The following BDNF variants were observed in gnomAD, a reference collection of about 807,000 sequenced individuals.
BDNF encodes the protein neurotrophic factor BDNF precursor form.
Under a neutral mutation model 19.5 loss-of-function variants are expected in BDNF, and 1 was observed. That is an observed-to-expected ratio of 0.05 (90% CI 0.02 to 0.24). The LOEUF (loss-of-function observed/expected upper bound fraction) is 0.24. Among genes scored for constraint, BDNF ranks in the 10% least tolerant of loss-of-function variants. The probability of loss-of-function intolerance (pLI) is 1.00; values close to 1 mark genes in which losing one functional copy is unlikely to be tolerated. For missense variants in BDNF, 195 were observed against 317.6 expected, an observed-to-expected ratio of 0.61 and a Z score of 2.93; for synonymous variants, 100 against 121.6, an observed-to-expected ratio of 0.82 and a Z score of 1.17.
intron 1 of BDNF, among the ~76,000 whole-genome samples, chr11:27,659,912 A>G (rs1298001554): frequency 6.6e-6 from 1 of 152,224 alleles, no homozygotes; most frequent in African/African-American, 2.4e-5. Context: ...ATACCTATGG[A>G]CCAACCCAAG....
upstream of BDNF, chr11:27,701,558 A>G: frequency 2.0e-6 from 2 of 987,212 alleles, no homozygotes; most frequent in Non-Finnish European, 2.4e-6. Flanking sequence ...CGGCAGAGGC[A>G]GGGAGATTTC....
chr11:27,707,754 GT>G (rs1409467566), intron 1 of BDNF, among the ~76,000 whole-genome samples: 2 of 152,172 alleles, frequency 1.3e-5, no homozygotes, highest in African/African-American at 2.4e-5. Flanking sequence ...CCCTATAATT[GT>G]TTTTTGTTTG....
intron 1 of BDNF, chr11:27,699,299 G>C: frequency 6.4e-7 from 1 of 1,573,564 alleles, no homozygotes; most frequent in Non-Finnish European, 8.7e-7. Context: ...GATGCCCCTA[G>C]TCTGTAATCT....
upstream of BDNF, among the ~76,000 whole-genome samples, chr11:27,702,160 A>C (rs965826822): frequency 2.6e-5 from 4 of 152,208 alleles, no homozygotes; most frequent in African/African-American, 9.7e-5. Flanking sequence ...TCATTAGTTC[A>C]ACCAATTTGT....
intron 1 of BDNF, among the ~76,000 whole-genome samples, chr11:27,687,415 C>T (rs570476760): frequency 4.9e-4 from 75 of 152,286 alleles, no homozygotes; most frequent in African/African-American, 1.7e-3. Context: ...TCTGTCAATT[C>T]ATCAAACTCA....
intron 1 of BDNF, chr11:27,673,929 G>T: frequency 9.2e-7 from 1 of 1,086,510 alleles, no homozygotes; most frequent in South Asian, 1.9e-5. Flanking sequence ...GAAAACAGGT[G>T]ATGGAAGAAA....
chr11:27,673,501 T>G (rs2133909836), intron 1 of BDNF, among the ~76,000 whole-genome samples: 1 of 152,312 alleles, frequency 6.6e-6, no homozygotes, highest in Non-Finnish European at 1.5e-5. Context: ...AACAGGTCAC[T>G]TTCAGAGTAT....
chr11:27,687,806 GA>G (rs1304571178), intron 1 of BDNF, among the ~76,000 whole-genome samples: 1 of 152,198 alleles, frequency 6.6e-6, no homozygotes, highest in Admixed American at 6.5e-5. Flanking sequence ...GCACCCACCA[GA>G]TGCCAGCCAG....
intron 1 of BDNF, among the ~76,000 whole-genome samples, chr11:27,671,751 C>A (rs1378276257): frequency 6.6e-6 from 1 of 152,090 alleles, no homozygotes; most frequent in African/African-American, 2.4e-5. Flanking sequence ...GCCATTTTAA[C>A]ATAAAGTAGA....
At position 27,655,437 on chromosome 11, in the gene BDNF, G is replaced by C. The variant is rs41282914; in HGVS notation, c.*2384C>G. On this transcript the variant is annotated 3_prime_UTR_variant, in exon 2 of 2. Transcript: ENST00000356660. Reference sequence around the variant, plus strand: ...CCTTGCAATCCTTTAAGTTTGTGATGGGGGGTTGTTTGTTTTAAATTTGTC... The same window carrying C: ...CCTTGCAATCCTTTAAGTTTGTGATCGGGGGTTGTTTGTTTTAAATTTGTC... 1 of 152,292 alleles carries C rather than the reference G, an allele frequency of 6.6e-6. No individual in the cohort carries two copies. The highest frequency in any genetic ancestry group is 1.5e-5 in the Non-Finnish European group (1 of 68,046). The allele number at this position is 152,292 out of a possible 1,614,324, so 9.4% of individuals were successfully genotyped here.
At chr11:27,701,868 A>G (rs1859914799), upstream of BDNF, among the ~76,000 whole-genome samples, 1 of 152,192 alleles carries the variant, frequency 6.6e-6, no homozygotes, top group African/African-American at 2.4e-5. Flanking sequence ...ATAACGAACC[A>G]GGGCAGCCAA....
intron 1 of BDNF, among the ~76,000 whole-genome samples, chr11:27,711,561 G>A (rs1590492352): frequency 6.6e-6 from 1 of 152,156 alleles, no homozygotes; most frequent in East Asian, 1.9e-4. Context: ...AAATCTGGGT[G>A]GTAGCTATAA....
At chr11:27,693,177 C>T (rs1403395638) in intron 1 of BDNF, among the ~76,000 whole-genome samples, 1 of 152,158 alleles carries the variant, frequency 6.6e-6, no homozygotes, top group Non-Finnish European at 1.5e-5. Flanking sequence ...TAGATACAGT[C>T]TATTTAAAAA....
upstream of BDNF, among the ~76,000 whole-genome samples, chr11:27,704,980 A>G (rs982130846): frequency 2.6e-5 from 4 of 152,230 alleles, no homozygotes; most frequent in Non-Finnish European, 2.9e-5. Context: ...AGAAGGGCCA[A>G]GACTAGGAGA....
chr11:27,715,243 A>G (rs1170257554), intron 1 of BDNF, among the ~76,000 whole-genome samples: 1 of 152,208 alleles, frequency 6.6e-6, no homozygotes, highest in African/African-American at 2.4e-5. Flanking sequence ...ACCAAGATAA[A>G]CAAGTACCCA....
chr11:27,657,590 A>T lies in BDNF; in HGVS notation c.*231T>A, dbSNP rs901437685. 2.3e-6 allele frequency: 3 copies of T among 1,323,102 alleles called. No individual in the cohort carries two copies. The highest frequency in any genetic ancestry group is 2.9e-5 in the African/African-American group (2 of 67,864). The allele number at this position is 1,323,102 out of a possible 1,614,324, so 82.0% of individuals were successfully genotyped here. Reference sequence around the variant, plus strand: ...GGCAACGGCAACAAACCACAACATTATCAAGGAATGTAATGCAGACTTTTT... The same window carrying T: ...GGCAACGGCAACAAACCACAACATTTTCAAGGAATGTAATGCAGACTTTTT... On this transcript the variant is annotated 3_prime_UTR_variant, in exon 2 of 2. Transcript: ENST00000356660. The surrounding 1 kb of genome is among the most constrained non-coding windows in gnomAD (Gnocchi z 5.0).
chr11:27,660,383 G>A (rs1320305768), intron 1 of BDNF: 3 of 376,740 alleles, frequency 8.0e-6, no homozygotes, highest in African/African-American at 4.4e-5. Flanking sequence ...AGGGAAAATT[G>A]GTTTGAATAA....
chr11:27,675,016 G>T, intron 1 of BDNF: 1 of 646,520 alleles, frequency 1.5e-6, no homozygotes, highest in Non-Finnish European at 1.9e-6. Context: ...GAGTTTCGGT[G>T]GATTCCCTAA....
chr11:27,700,796 C>T (rs1859845099), upstream of BDNF: 1 of 1,204,410 alleles, frequency 8.3e-7, no homozygotes, highest in Admixed American at 3.1e-5. Context: ...CGGGGAACCC[C>T]GCGTCCCGCG....
Sources: allele counts gnomAD v4.1 joint callset (sites outside exome capture counted in the v4.1 genomes callset), GRCh38; gene constraint gnomAD v4.1.1; non-coding constraint Gnocchi (gnomAD v3.1); transcripts MANE v1.5; gene names NCBI Gene and HGNC (gene_info 2026-07-23, HGNC 2026-07-21).